Variants in HUWE1 observed in about 807,000 individuals in gnomAD.
The protein encoded by HUWE1 is HECT, UBA and WWE domain containing E3 ubiquitin protein ligase 1, also known as E3 ubiquitin-protein ligase HUWE1.
In HUWE1, 18 loss-of-function variants were observed where a neutral mutation model predicts 299.4. The ratio of observed to expected loss-of-function variants is 0.06; its 90% CI spans 0.04 to 0.09. The LOEUF is 0.09. Ranked by LOEUF, HUWE1 falls within the 10% of genes least tolerant of loss-of-function variation. The pLI is 1.00. For missense variants in HUWE1, 1,832 were observed against 3,462.3 expected (o/e 0.53, Z 11.82); for synonymous variants, 1,317 against 1,286.1 (o/e 1.02, Z -0.51).
intron 19 of HUWE1, among the ~76,000 whole-genome samples, chrX:53,619,105 A>C (rs191725288): frequency 9.0e-6 from 1 of 111,572 alleles, no homozygotes; most frequent in African/African-American, 3.3e-5. Flanking sequence ...AAACCAGAGG[A>C]TTTTCTATTC....
intron 7 of HUWE1, among the ~76,000 whole-genome samples, chrX:53,638,210 G>A (rs908611069): frequency 1.3e-4 from 14 of 111,208 alleles, no homozygotes; most frequent in Non-Finnish European, 1.9e-5. Flanking sequence ...CATGGTGACG[G>A]GCGCCTGTAG....
At chrX:53,564,877 G>A (rs1248917667) in intron 50 of HUWE1, among the ~76,000 whole-genome samples, 155 bp from the exon 51 acceptor site, 1 of 112,744 alleles carries the variant, frequency 8.9e-6, no homozygotes, top group Non-Finnish European at 1.9e-5. Context: ...ACAAGGCTAC[G>A]TGTGAGGATA....
intron 3 of HUWE1, among the ~76,000 whole-genome samples, chrX:53,665,916 T>G (rs1557047344): frequency 9.0e-6 from 1 of 111,168 alleles, no homozygotes; most frequent in Non-Finnish European, 1.9e-5. Context: ...AGGATAAGCC[T>G]GAGGTGGGAG....
intron 15 of HUWE1, among the ~76,000 whole-genome samples, chrX:53,628,156 T>C (rs1468891867): frequency 1.8e-5 from 2 of 111,246 alleles, no homozygotes; most frequent in African/African-American, 6.6e-5. Context: ...GTAAAGGCTA[T>C]TACTACTACA....
At chrX:53,551,794 C>T (rs1410959450) in intron 63 of HUWE1, among the ~76,000 whole-genome samples, 1 of 111,526 alleles carries the variant, frequency 9.0e-6, no homozygotes, top group Non-Finnish European at 1.9e-5. Context: ...ATTACAGGCA[C>T]GAGCCACCGC....
Position 53,608,901 on chromosome X carries a change from C to T in HUWE1, c.2270G>A (p.Gly757Asp), listed in dbSNP as rs782224123. ...NETEPNQQVV[G>D]TEERIPIPLM... ...GGGAATAGGAATACGTTCCTCTGTACCAACAACCCTGTTAGGGGAGAAAAG... is the reference window on the plus strand; with the variant it reads ...GGGAATAGGAATACGTTCCTCTGTATCAACAACCCTGTTAGGGGAGAAAAG... Residue 757 changes from glycine to aspartate, a missense_variant, in exon 24 of 84, where the codon GGT (glycine) becomes GAT (aspartate). Physicochemically the swap from Gly to Asp is moderately conservative, Grantham distance 94. Coordinates refer to ENST00000262854, the MANE Select transcript of HUWE1 (RefSeq NM_031407.7). 8.7e-7 allele frequency: 1 copy of T among 1,148,177 alleles called. No homozygotes were observed. The highest frequency in any genetic ancestry group is 1.2e-6 in the Non-Finnish European group (1 of 837,494). The allele number at this position is 1,148,177 out of a possible 1,213,427, so 94.6% of individuals were successfully genotyped here. A position where few individuals can be genotyped will look rare whatever the true frequency, so the allele number is the denominator to read the frequency against.
chrX:53,552,970 G>T, intron 61 of HUWE1, 77 bp from the exon 62 acceptor site: 1 of 1,091,352 alleles, frequency 9.2e-7, no homozygotes. Flanking sequence ...CTTTGATAGG[G>T]CTGCTTCCTT....
chrX:53,535,336 A>G, intron 81 of HUWE1, 48 bp downstream of exon 81: 1 of 814,353 alleles, frequency 1.2e-6, no homozygotes, highest in Non-Finnish European at 1.9e-6. Flanking sequence ...ATCAAGTCCG[A>G]CCTCTTCTCA....
intron 49 of HUWE1, among the ~76,000 whole-genome samples, chrX:53,566,133 G>GTGTGTGTGTATA (rs782815282): frequency 2.6e-5 from 1 of 38,971 alleles, no homozygotes; most frequent in South Asian, 1.4e-3. Flanking sequence ...GTGTGTGTGT[G>GTGTGTGTGTATA]TATATATATA....
intron 3 of HUWE1, among the ~76,000 whole-genome samples, chrX:53,659,549 G>A (rs891956249): frequency 1.8e-5 from 2 of 111,933 alleles, no homozygotes; most frequent in African/African-American, 3.3e-5. Flanking sequence ...GGGGAGGGAA[G>A]AATGAAGAGG....
intron 72 of HUWE1, 84 bp downstream of exon 72, chrX:53,544,476 C>T (rs1276498570): frequency 2.7e-6 from 2 of 737,151 alleles, no homozygotes; most frequent in African/African-American, 2.1e-5. Flanking sequence ...AGGAAGGAGA[C>T]AGGCCGTTAA....
chrX:53,675,297 A>G (rs113011736), intron 3 of HUWE1, among the ~76,000 whole-genome samples: 1,643 of 111,854 alleles, frequency 0.015, 35 homozygotes, highest in African/African-American at 0.052. Flanking sequence ...TCAACTGCAC[A>G]TGCCACTCTG....
At chrX:53,598,218 T>A (rs1556986856) in intron 29 of HUWE1, among the ~76,000 whole-genome samples, 1 of 111,437 alleles carries the variant, frequency 9.0e-6, no homozygotes, top group Admixed American at 9.5e-5. Flanking sequence ...TGGCAGAGGG[T>A]TCTGATTACT....
chrX:53,552,282 A>C (rs781815534), intron 63 of HUWE1, 29 bp downstream of exon 63: 1 of 1,209,918 alleles, frequency 8.3e-7, no homozygotes, highest in Non-Finnish European at 1.1e-6. Context: ...AAACAATCCC[A>C]GGATGACCTG....
intron 42 of HUWE1, 94 bp from the exon 43 acceptor site, chrX:53,581,120 T>G: frequency 5.4e-6 from 4 of 738,117 alleles, no homozygotes; most frequent in Non-Finnish European, 7.9e-6. Flanking sequence ...GCTTTTGATT[T>G]TGGGGAGAAT....
At chrX:53,539,845 T>G in intron 74 of HUWE1, 33 bp from the exon 75 acceptor site, 1 of 1,178,047 alleles carries the variant, frequency 8.5e-7, no homozygotes, top group South Asian at 1.9e-5. Context: ...TCAGAAAGTC[T>G]TCAAAATTTC....
In HUWE1 at chrX:53,550,653, T is replaced by C. The variant is rs372714144; in HGVS notation, c.9488+13A>G. 3.4e-5 allele frequency: 40 copies of C among 1,192,184 alleles called. No homozygotes were observed. Among genetic ancestry groups the C allele is most frequent in the Non-Finnish European group, 4.1e-5 (36 of 880,122 alleles). On this transcript the variant is annotated intron_variant, in intron 66 of 83. Transcript: ENST00000262854. ...GAGTGGTGATATGGTAAGGTAAAAATAGACAAAGGTACCTGTTATGGCTGC... is the reference window on the plus strand; with the variant it reads ...GAGTGGTGATATGGTAAGGTAAAAACAGACAAAGGTACCTGTTATGGCTGC...
At chrX:53,568,299 G>C (rs191426563) in intron 49 of HUWE1, among the ~76,000 whole-genome samples, 54 of 111,377 alleles carry the variant, frequency 4.8e-4, no homozygotes, top group Non-Finnish European at 8.9e-4. Context: ...ATCATATCAT[G>C]TTAGTAAAGA....
intron 22 of HUWE1, among the ~76,000 whole-genome samples, chrX:53,615,010 A>G (rs2065714740): frequency 9.4e-6 from 1 of 105,985 alleles, no homozygotes; most frequent in African/African-American, 3.5e-5. Flanking sequence ...CAATTCACCA[A>G]GCACCAGGAA....
Sources: allele counts gnomAD v4.1 joint callset (sites outside exome capture counted in the v4.1 genomes callset), GRCh38; gene constraint gnomAD v4.1.1; transcripts MANE v1.5; gene names NCBI Gene and HGNC (gene_info 2026-07-23, HGNC 2026-07-21).